PAPSS1: variants seen among roughly 807,000 people sequenced by gnomAD.
PAPSS1 encodes bifunctional 3'-phosphoadenosine 5'-phosphosulfate synthase 1.
PAPSS1 carries 50 observed loss-of-function variants against 72.0 expected under a neutral mutation model. The observed-to-expected ratio is 0.69, with a 90% confidence interval of 0.55 to 0.88. PAPSS1 has a LOEUF of 0.88. Ranked by LOEUF, PAPSS1 falls within the 40% of genes least tolerant of loss-of-function variation. The pLI, the probability that PAPSS1 is intolerant of heterozygous loss-of-function variation, is 0.00. For synonymous variants in PAPSS1, 261 were observed against 263.6 expected, an observed-to-expected ratio of 0.99 and a Z score of 0.09; for missense variants, 657 against 782.2, an observed-to-expected ratio of 0.84 and a Z score of 1.91.
intron 5 of PAPSS1, among the ~76,000 whole-genome samples, chr4:107,669,117 T>C (rs1167793364): frequency 6.6e-6 from 1 of 152,208 alleles, no homozygotes; most frequent in Non-Finnish European, 1.5e-5. Flanking sequence ...GTCTTTGTGA[T>C]AACAATGAAG....
chr4:107,669,737 G>A (rs1340593657), intron 5 of PAPSS1, among the ~76,000 whole-genome samples: 2 of 152,086 alleles, frequency 1.3e-5, no homozygotes, highest in Non-Finnish European at 2.9e-5. Context: ...AAATTAAGGA[G>A]GCATTTGCAT....
chr4:107,671,427 T>A (rs925546019), intron 5 of PAPSS1, among the ~76,000 whole-genome samples: 3 of 152,096 alleles, frequency 2.0e-5, no homozygotes, highest in Non-Finnish European at 2.9e-5. Context: ...GGGAGAAACC[T>A]GTGGCACCCA....
At chr4:107,638,424 A>G (rs1726444636) in intron 10 of PAPSS1, among the ~76,000 whole-genome samples, 1 of 152,224 alleles carries the variant, frequency 6.6e-6, no homozygotes, top group African/African-American at 2.4e-5. Flanking sequence ...CCAAAAAGAT[A>G]TACCTCAAAT....
intron 9 of PAPSS1, among the ~76,000 whole-genome samples, chr4:107,649,413 C>A (rs1466476264): frequency 1.3e-5 from 2 of 152,238 alleles, no homozygotes; most frequent in Non-Finnish European, 1.5e-5. Context: ...TACCCAATGC[C>A]ACTAGTCCCT....
intron 10 of PAPSS1, among the ~76,000 whole-genome samples, chr4:107,635,328 T>A (rs1368131120): frequency 6.6e-6 from 1 of 152,192 alleles, no homozygotes; most frequent in Non-Finnish European, 1.5e-5. Flanking sequence ...TTAACTTTTA[T>A]ACTGTATTTT....
intron 1 of PAPSS1, among the ~76,000 whole-genome samples, chr4:107,701,519 C>T (rs968616446): frequency 6.6e-5 from 10 of 151,992 alleles, no homozygotes; most frequent in African/African-American, 2.4e-4. Flanking sequence ...TAAGGTTTTA[C>T]AGATGAAGAT....
chr4:107,694,064 G>T, intron 2 of PAPSS1, 58 bp from the exon 3 acceptor site: 1 of 1,196,550 alleles, frequency 8.4e-7, no homozygotes, highest in Non-Finnish European at 1.2e-6. Context: ...TAACTATGTA[G>T]TAATACTTTT....
At chr4:107,679,827 C>G (rs1047268811) in intron 5 of PAPSS1, among the ~76,000 whole-genome samples, 1 of 151,390 alleles carries the variant, frequency 6.6e-6, no homozygotes, top group Non-Finnish European at 1.5e-5. Context: ...GTTAAAGGAT[C>G]TAATGAAAAA....
At chr4:107,652,474 T>C (rs1229256577) in intron 9 of PAPSS1, among the ~76,000 whole-genome samples, 3 of 152,320 alleles carry the variant, frequency 2.0e-5, no homozygotes, top group African/African-American at 7.2e-5. Context: ...CTTTATAATA[T>C]AGAAAGCAGT....
chr4:107,675,899 T>A (rs1343476601), intron 5 of PAPSS1, among the ~76,000 whole-genome samples: 2 of 152,146 alleles, frequency 1.3e-5, no homozygotes, highest in Admixed American at 1.3e-4. Context: ...TCAATAAACA[T>A]AATCCAGCAT....
At chr4:107,672,364 A>G (rs142647662) in intron 5 of PAPSS1, among the ~76,000 whole-genome samples, 3 of 152,308 alleles carry the variant, frequency 2.0e-5, no homozygotes, top group African/African-American at 7.2e-5. Flanking sequence ...GGTCACTCCC[A>G]CCCTAATGCC....
chr4:107,632,268 T>C (rs1211294696), intron 10 of PAPSS1, among the ~76,000 whole-genome samples: 1 of 152,132 alleles, frequency 6.6e-6, no homozygotes, highest in Non-Finnish European at 1.5e-5. Flanking sequence ...TCTGGAATCA[T>C]GGTAATGCTC....
intron 9 of PAPSS1, among the ~76,000 whole-genome samples, chr4:107,652,594 A>G (rs1050842803): frequency 6.6e-6 from 1 of 152,156 alleles, no homozygotes; most frequent in Non-Finnish European, 1.5e-5. Flanking sequence ...GTATTTATTT[A>G]TGGATCCTCA....
intron 10 of PAPSS1, among the ~76,000 whole-genome samples, chr4:107,632,939 T>C (rs1256531364): frequency 6.6e-6 from 1 of 152,244 alleles, no homozygotes; most frequent in Non-Finnish European, 1.5e-5. Context: ...ATCTCCTGCA[T>C]ACCAGGTACT....
chr4:107,705,752 GACTT>G (rs1723324879), intron 1 of PAPSS1, among the ~76,000 whole-genome samples: 1 of 152,178 alleles, frequency 6.6e-6, no homozygotes, highest in African/African-American at 2.4e-5. Context: ...CTTGACCGTG[GACTT>G]ACTTTTACCA....
chr4:107,645,707 A>G (rs1172498053), intron 9 of PAPSS1, among the ~76,000 whole-genome samples: 3 of 152,132 alleles, frequency 2.0e-5, no homozygotes, highest in Non-Finnish European at 2.9e-5. Flanking sequence ...CCTGCTTACA[A>G]CCCTGGGTTC....
intron 7 of PAPSS1, among the ~76,000 whole-genome samples, chr4:107,656,259 G>A (rs768194197): frequency 3.5e-4 from 53 of 152,158 alleles, no homozygotes; most frequent in African/African-American, 8.7e-4. Flanking sequence ...GGGATTAGAG[G>A]CACACACCAC....
rs903737447 is a variant in PAPSS1, at chr4:107,686,413, T to C, written c.550+626A>G. Among the ~76,000 whole-genome samples the C allele has an allele frequency of 2.0e-5, 3 of 152,244 alleles. No individual in the cohort carries two copies. The East Asian group carries it at 5.8e-4, about 29-fold the overall frequency. ...ATATAAATAGATGTTATACTATATTTGTTATTTATACTATTTTTAAATTGC... is the reference window on the plus strand; with the variant it reads ...ATATAAATAGATGTTATACTATATTCGTTATTTATACTATTTTTAAATTGC... On this transcript the variant is annotated intron_variant, in intron 4 of 11. Transcript: ENST00000265174.
intron 1 of PAPSS1, among the ~76,000 whole-genome samples, chr4:107,712,751 T>C (rs1203982352): frequency 6.6e-6 from 1 of 151,760 alleles, no homozygotes; most frequent in Admixed American, 6.6e-5. Flanking sequence ...CACGTGCCTA[T>C]AATCCCAGCT....
Sources: allele counts gnomAD v4.1 joint callset (sites outside exome capture counted in the v4.1 genomes callset), GRCh38; gene constraint gnomAD v4.1.1; transcripts MANE v1.5; gene names NCBI Gene and HGNC (gene_info 2026-07-23, HGNC 2026-07-21).